The following REV3L variants were observed in gnomAD, a reference collection of about 807,000 sequenced individuals.
REV3L encodes the protein REV3 like, DNA directed polymerase zeta catalytic subunit, also known as DNA polymerase zeta catalytic subunit.
Under a neutral mutation model 299.4 loss-of-function variants are expected in REV3L, and 69 were observed. That is an observed-to-expected ratio of 0.23 (90% CI 0.19 to 0.28). The LOEUF (loss-of-function observed/expected upper bound fraction) is 0.28. Ranked by LOEUF, REV3L falls within the 10% of genes least tolerant of loss-of-function variation. The pLI is 1.00. For missense variants in REV3L, 3,128 were observed against 3,693.8 expected (o/e 0.85, Z 3.97); for synonymous variants, 1,238 against 1,271.4 (o/e 0.97, Z 0.56).
chr6:111,381,416 A>C lies in REV3L; in HGVS notation c.1125T>G (p.Ala375=), dbSNP rs764461849. The C allele has an allele frequency of 1.9e-6, 3 of 1,613,152 alleles. No homozygotes were observed. The highest frequency in any genetic ancestry group is 2.5e-6 in the Non-Finnish European group (3 of 1,179,652). Residue 375 remains alanine (A), a synonymous_variant, in exon 10 of 32, where the codon GCT becomes GCG. Transcript: ENST00000368802. ...KGHTRHKVEE[A]LINEEAILNL... ...TCAAAATTGCTTCTTCATTAATAAG[A>C]GCTTCTTCCACTTTGTGTCTAGTGT... is the stretch of plus-strand genomic sequence containing the variant.
intron 9 of REV3L, among the ~76,000 whole-genome samples, chr6:111,385,017 T>C (rs137940567): frequency 1.3e-3 from 204 of 152,228 alleles, no homozygotes; most frequent in African/African-American, 4.7e-3. Context: ...AAACTTTGCA[T>C]GTTCTCACTC....
At chr6:111,469,177 A>G (rs1453916313) in intron 1 of REV3L, among the ~76,000 whole-genome samples, 1 of 152,106 alleles carries the variant, frequency 6.6e-6, no homozygotes, top group Non-Finnish European at 1.5e-5. Flanking sequence ...AACAAAAAAC[A>G]AAACAAAACA....
chr6:111,310,210 GAC>G, intron 29 of REV3L, 111 bp from the exon 30 acceptor site: 2 of 1,315,258 alleles, frequency 1.5e-6, no homozygotes, highest in African/African-American at 1.5e-5. Flanking sequence ...AACTACAAAA[GAC>G]AATTTCAAAA....
chr6:111,412,355 A>T (rs1259841640), intron 2 of REV3L: 5 of 658,014 alleles, frequency 7.6e-6, no homozygotes, highest in African/African-American at 2.0e-5. Context: ...TCCTCGGTGC[A>T]AGATGAAATA....
At chr6:111,340,878 T>C (rs1444262477) in intron 21 of REV3L, among the ~76,000 whole-genome samples, 1 of 151,906 alleles carries the variant, frequency 6.6e-6, no homozygotes, top group Non-Finnish European at 1.5e-5. Flanking sequence ...CAGTCCTCTA[T>C]TTTACTTGTC....
chr6:111,334,377 C>G (rs240952), intron 22 of REV3L, among the ~76,000 whole-genome samples: 4,584 of 152,060 alleles, frequency 0.03, 81 homozygotes, highest in South Asian at 0.079. Flanking sequence ...AAAAAGCTGT[C>G]AGGAGACTTA....
At chr6:111,344,136 ATAG>A (rs752378364) in intron 20 of REV3L, 93 bp from the exon 21 acceptor site, 7 of 735,700 alleles carry the variant, frequency 9.5e-6, no homozygotes, top group Middle Eastern at 2.5e-4. Context: ...TAAACTTTTC[ATAG>A]TAGATATTAA....
chr6:111,376,030 C>A lies in REV3L; in HGVS notation c.2325G>T (p.Arg775Ser), dbSNP rs754487484. ...TTTTATGTTCTTGAAATTCTTCATA[C>A]CTAATTTTAAGTTTATTTAGTCCAC... ...DESGLNKLKI[R>S]YEEFQEHKTE... is the part of the protein sequence containing the mutation. The change falls in exon 13 of 32, where the codon AGG becomes AGT. Residue 775 changes from arginine to serine, a missense_variant. By Grantham distance (110) the Arg-to-Ser change is moderately radical. Coordinates refer to ENST00000368802, the MANE Select transcript of REV3L (RefSeq NM_001372078.1). 5.0e-6 allele frequency: 8 copies of A among 1,613,810 alleles called. No homozygotes were observed. The South Asian group carries it at 8.8e-5, about 18-fold the overall frequency.
chr6:111,323,468 A>G (rs1774426716), intron 25 of REV3L, among the ~76,000 whole-genome samples: 1 of 152,342 alleles, frequency 6.6e-6, no homozygotes. Context: ...ACAAAGAAAA[A>G]TGTATCTAAT....
Position 111,482,889 on chromosome 6 carries a change from G to C in REV3L, c.-1C>G. 4 of 1,513,150 alleles carry C rather than the reference G, an allele frequency of 2.6e-6. No homozygotes were observed. Among genetic ancestry groups the C allele is most frequent in the Non-Finnish European group, 3.5e-6 (4 of 1,140,532 alleles). 93.7% of individuals were successfully genotyped at this position (1,513,150 alleles called of 1,614,324 possible). ...CAGTCACTATCCTTACTGAAAACATGTTCGCCGCCGCCGCCACTGCCTCCC... is the reference window on the plus strand; with the variant it reads ...CAGTCACTATCCTTACTGAAAACATCTTCGCCGCCGCCGCCACTGCCTCCC... On this transcript the variant is annotated 5_prime_UTR_variant, in exon 1 of 32. Coordinates refer to ENST00000368802, the MANE Select transcript of REV3L (RefSeq NM_001372078.1).
At chr6:111,351,833 T>G in intron 18 of REV3L, 42 bp from the exon 19 acceptor site, 1 of 1,303,286 alleles carries the variant, frequency 7.7e-7, no homozygotes, top group Non-Finnish European at 1.1e-6. Context: ...TACCATACAT[T>G]TGAACCTTTA....
intron 1 of REV3L, among the ~76,000 whole-genome samples, chr6:111,442,477 T>C (rs1788384540): frequency 6.6e-6 from 1 of 152,248 alleles, no homozygotes. Flanking sequence ...CTAGTGACTT[T>C]TCCTTGCAAA....
Position 111,392,856 on chromosome 6 carries a change from C to A in REV3L, c.662+20G>T. 1 of 1,507,686 alleles carries A rather than the reference C, an allele frequency of 6.6e-7. No homozygotes were observed. The allele number at this position is 1,507,686 out of a possible 1,614,324, so 93.4% of individuals were successfully genotyped here. A position where few individuals can be genotyped will look rare whatever the true frequency, so the allele number is the denominator to read the frequency against. ...TAGGATATATGTAAAATTTTCATTT[C>A]CTTTACAACATTAACTAACCTTGGT... On this transcript the variant is annotated intron_variant, in intron 5 of 31. Coordinates refer to ENST00000368802, the MANE Select transcript of REV3L (RefSeq NM_001372078.1).
In REV3L at chr6:111,307,352, A is replaced by G; in HGVS notation, c.9252+9T>C. On this transcript the variant is annotated intron_variant, in intron 31 of 31. Transcript: ENST00000368802. ...CTTGTGATTCTGGGCCCATGGAACAAAACTGTACCTTTACAAGTTGCTCCT... is the reference window on the plus strand; with the variant it reads ...CTTGTGATTCTGGGCCCATGGAACAGAACTGTACCTTTACAAGTTGCTCCT... 1 of 1,613,290 alleles carries G rather than the reference A, an allele frequency of 6.2e-7. No individual in the cohort carries two copies. The highest frequency in any genetic ancestry group is 8.5e-7 in the Non-Finnish European group (1 of 1,179,264).
intron 5 of REV3L, among the ~76,000 whole-genome samples, 191 bp from the exon 6 acceptor site, chr6:111,390,371 C>A (rs769428635): frequency 6.6e-6 from 1 of 151,934 alleles, no homozygotes; most frequent in African/African-American, 2.4e-5. Flanking sequence ...AAATACAAAA[C>A]ATATTATACT....
At chr6:111,453,743 G>A (rs1789826640) in intron 1 of REV3L, among the ~76,000 whole-genome samples, 1 of 152,122 alleles carries the variant, frequency 6.6e-6, no homozygotes, top group Non-Finnish European at 1.5e-5. Context: ...CAGCACTTTG[G>A]GAGGCTGAGG....
rs1158716903 is a variant in REV3L, at chr6:111,374,531, T to A, written c.3824A>T (p.Asp1275Val). ...GGGTAGGGAAGCAGAAAGGGGATGA[T>A]CTACAGCAGAGCCCATTAGTGGCAT... is the stretch of plus-strand genomic sequence containing the variant. ...KDMPLMGSAVDHPLSASLPTG... is the reference protein window; with the variant it reads ...KDMPLMGSAVVHPLSASLPTG... The change falls in exon 13 of 32, where the codon GAT becomes GTT. Residue 1275 changes from aspartate (D) to valine (V), a missense_variant. Transcript: ENST00000368802. The A allele has an allele frequency of 4.3e-6, 7 of 1,614,040 alleles. No individual in the cohort carries two copies. Among genetic ancestry groups the A allele is most frequent in the Non-Finnish European group, 5.1e-6 (6 of 1,179,956 alleles).
chr6:111,313,381 T>C lies in REV3L; in HGVS notation c.8575A>G (p.Arg2859Gly). Residue 2859 changes from arginine to glycine, a missense_variant, in exon 28 of 32, where the codon AGA becomes GGA. Coordinates refer to ENST00000368802, the MANE Select transcript of REV3L (RefSeq NM_001372078.1). ...GAAACAGCAGGGCAGGAATCTCTTC[T>C]GACTGTTTCTATTCCTTTTGCATCA... is the stretch of plus-strand genomic sequence containing the variant. ...VFDAKGIETV[R>G]RDSCPAVSKI... The C allele has an allele frequency of 6.2e-7, 1 of 1,613,302 alleles. No homozygotes were observed. Among genetic ancestry groups the C allele is most frequent in the Non-Finnish European group, 8.5e-7 (1 of 1,179,786 alleles).
In REV3L at chr6:111,365,299, T is replaced by C. The variant is rs1372553857; in HGVS notation, c.6719A>G (p.Asp2240Gly). ...TGTTAACAGTACTCTTCTAAGAGTG[T>C]CAGTATTACTTCCTTTCTTATTACT... ...KLSNKKGSNT[D>G]TLRRVLLTQA... Residue 2240 changes from aspartate (D) to glycine (G), a missense_variant, in exon 15 of 32, where the codon GAC (aspartate) becomes GGC (glycine). By Grantham distance (94) the Asp-to-Gly change is moderately conservative (BLOSUM62 -1). Around this residue, in one of 9 missense-constraint regions of REV3L, gnomAD observed 2,409 missense variants for 2,611.8 expected, o/e 0.92. Transcript: ENST00000368802. 3 of 1,572,978 alleles carry C rather than the reference T, an allele frequency of 1.9e-6. No individual in the cohort carries two copies. The highest frequency in any genetic ancestry group is 1.4e-5 in the African/African-American group (1 of 73,148).
Sources: allele counts gnomAD v4.1 joint callset (sites outside exome capture counted in the v4.1 genomes callset), GRCh38; gene constraint gnomAD v4.1.1; regional missense constraint gnomAD v4.1.1; transcripts MANE v1.5; gene names NCBI Gene and HGNC (gene_info 2026-07-23, HGNC 2026-07-21).